GAS2L3: variants seen among roughly 807,000 people sequenced by gnomAD.
The protein encoded by GAS2L3 is growth arrest specific 2 like 3, also known as GAS2-like protein 3.
In GAS2L3, 28 loss-of-function variants were observed where a neutral mutation model predicts 37.0. That is an observed-to-expected ratio of 0.76 (90% CI 0.56 to 1.04). GAS2L3 has a LOEUF of 1.04. GAS2L3 is among the 50% of genes least tolerant of loss of function. GAS2L3 has a pLI of 0.00. For synonymous variants in GAS2L3, 290 were observed against 296.6 expected (o/e 0.98, Z 0.23); for missense variants, 793 against 817.6 (o/e 0.97, Z 0.37).
rs1459042584 is a variant in GAS2L3 at position 100,601,655 on chromosome 12, G to T, written c.205G>T (p.Glu69Ter). The change falls in exon 5 of 10, where the codon GAA (glutamate) becomes TAA (stop). Residue 69 changes from glutamate to a stop codon, truncating the protein, a stop_gained. Coordinates refer to ENST00000547754, the MANE Select transcript of GAS2L3 (RefSeq NM_174942.3). LOFTEE classifies it high-confidence loss of function. ...GTTTTTAGGTATTAAAGTTAAGGCA[G>T]AAAAATTATTGGAAGAACTTGATAA... ...SGLLGIKVKAEKLLEELDNGV... is the reference protein window; with the variant it reads ...SGLLGIKVKA The T allele has an allele frequency of 1.3e-6, 2 of 1,555,646 alleles. No individual in the cohort carries two copies. Among genetic ancestry groups the T allele is most frequent in the Non-Finnish European group, 1.8e-6 (2 of 1,129,206 alleles).
At position 100,597,891 on chromosome 12, in the gene GAS2L3, T is replaced by C. The variant is rs564335272; in HGVS notation, c.19-2491T>C. On this transcript the variant is annotated intron_variant, in intron 3 of 9. Transcript: ENST00000547754. ...TATATTTTAAGAGGAAAATGGTCTATATTTAAAAATCAAGAAAGGACTAGA... is the reference window on the plus strand; with the variant it reads ...TATATTTTAAGAGGAAAATGGTCTACATTTAAAAATCAAGAAAGGACTAGA... 5.3e-5 allele frequency among the ~76,000 whole-genome samples: 8 copies of C among 152,224 alleles called. No individual in the cohort carries two copies. In the South Asian group the frequency reaches 1.7e-3, roughly 32 times the overall value.
chr12:100,575,996 A>T (rs1252416911), intron 1 of GAS2L3, among the ~76,000 whole-genome samples: 8 of 152,210 alleles, frequency 5.3e-5, no homozygotes, highest in Non-Finnish European at 1.2e-4. Flanking sequence ...TAAAATAATG[A>T]GAAATAACTT....
At chr12:100,610,541 T>C (rs185902694) in intron 5 of GAS2L3, among the ~76,000 whole-genome samples, 1 of 151,112 alleles carries the variant, frequency 6.6e-6, no homozygotes, top group East Asian at 1.9e-4. Context: ...GCAATGATTG[T>C]CTATTCTGTA....
intron 5 of GAS2L3, among the ~76,000 whole-genome samples, chr12:100,609,639 T>C (rs923345409): frequency 6.6e-6 from 1 of 152,188 alleles, no homozygotes. Context: ...GGAATTCTTG[T>C]GGCCTAGACT....
chr12:100,624,233 T>C lies in GAS2L3; in HGVS notation c.1428T>C (p.His476=), dbSNP rs1593193829. Residue 476 remains histidine, a synonymous_variant, in exon 10 of 10, where the codon CAT becomes CAC. Transcript: ENST00000547754. The part of the protein sequence containing the change: ...SGKTQPKYLK[H]NHISSRDNAV... Reference sequence around the variant, plus strand: ...AAACTCAACCTAAGTATTTGAAACATAATCATATTTCTTCCAGAGATAATG... The same window carrying C: ...AAACTCAACCTAAGTATTTGAAACACAATCATATTTCTTCCAGAGATAATG... 1.2e-6 allele frequency: 2 copies of C among 1,614,036 alleles called. No homozygotes were observed. Among genetic ancestry groups the C allele is most frequent in the East Asian group, 4.5e-5 (2 of 44,872 alleles).
intron 1 of GAS2L3, among the ~76,000 whole-genome samples, chr12:100,581,836 G>T (rs752824979): frequency 3.3e-5 from 5 of 151,862 alleles, no homozygotes; most frequent in Non-Finnish European, 7.4e-5. Context: ...CTTATTTTTT[G>T]CTTAATTTTT....
At chr12:100,595,258 C>G (rs1283171568) in intron 3 of GAS2L3, among the ~76,000 whole-genome samples, 1 of 151,818 alleles carries the variant, frequency 6.6e-6, no homozygotes, top group Non-Finnish European at 1.5e-5. Flanking sequence ...TTGTGGTTTT[C>G]CCCTCATTAC....
chr12:100,592,146 G>A (rs1347059518), intron 2 of GAS2L3, among the ~76,000 whole-genome samples: 4 of 151,974 alleles, frequency 2.6e-5, no homozygotes, highest in Non-Finnish European at 5.9e-5. Flanking sequence ...ACAGTTGAAA[G>A]GCCCTTGTGC....
intron 6 of GAS2L3, 49 bp from the exon 7 acceptor site, chr12:100,617,688 AATATGTT>A: frequency 1.1e-5 from 12 of 1,050,278 alleles, no homozygotes; most frequent in Non-Finnish European, 1.6e-5. Flanking sequence ...CCATGCCAGA[AATATGTT>A]TCCATACTTA....
At chr12:100,616,127 CTTTA>C (rs1224020759) in intron 6 of GAS2L3, among the ~76,000 whole-genome samples, 1 of 152,080 alleles carries the variant, frequency 6.6e-6, no homozygotes, top group East Asian at 1.9e-4. Flanking sequence ...CATGAGATGT[CTTTA>C]TTTATAATCT....
chr12:100,618,693 C>A, intron 8 of GAS2L3, 106 bp downstream of exon 8: 1 of 1,017,642 alleles, frequency 9.8e-7, no homozygotes, highest in Non-Finnish European at 1.4e-6. Flanking sequence ...GCAAGTGTTT[C>A]TTATTCAGAA....
At chr12:100,612,209 A>T in intron 6 of GAS2L3, 68 bp downstream of exon 6, 1 of 1,348,570 alleles carries the variant, frequency 7.4e-7, no homozygotes, top group Non-Finnish European at 1.0e-6. Flanking sequence ...TTCACCTCTA[A>T]TTTTTCTTTC....
chr12:100,618,311 A>G (rs1340773617), intron 7 of GAS2L3, 138 bp from the exon 8 acceptor site: 9 of 811,282 alleles, frequency 1.1e-5, no homozygotes, highest in South Asian at 1.0e-4. Flanking sequence ...ATTAAAAAGC[A>G]TTTTCAAATA....
rs1593169387 is a variant in GAS2L3 at position 100,595,006 on chromosome 12, C to A, written c.18+84C>A. ...ATAATTAGCAAAGATAAAATTATCACAGTGTTCTTATTGTGCTAGTTTTTT... is the reference window on the plus strand; with the variant it reads ...ATAATTAGCAAAGATAAAATTATCAAAGTGTTCTTATTGTGCTAGTTTTTT... On this transcript the variant is annotated intron_variant, in intron 3 of 9. Coordinates refer to ENST00000547754, the MANE Select transcript of GAS2L3 (RefSeq NM_174942.3). The A allele has an allele frequency of 6.9e-6, 4 of 577,432 alleles. No homozygotes were observed. In the East Asian group the frequency reaches 1.4e-4, roughly 20 times the overall value. 35.8% of individuals were successfully genotyped at this position (577,432 alleles called of 1,614,324 possible). A position where few individuals can be genotyped will look rare whatever the true frequency, so the allele number is the denominator to read the frequency against.
At chr12:100,623,237 G>A (rs1956281466) in intron 9 of GAS2L3, among the ~76,000 whole-genome samples, 1 of 152,116 alleles carries the variant, frequency 6.6e-6, no homozygotes, top group African/African-American at 2.4e-5. Context: ...CAGTTGTGCA[G>A]ATTTGCTTAC....
intron 1 of GAS2L3, among the ~76,000 whole-genome samples, chr12:100,580,536 G>A (rs1257801110): frequency 2.6e-5 from 4 of 152,010 alleles, no homozygotes; most frequent in Non-Finnish European, 5.9e-5. Context: ...CATTTTCTGG[G>A]CATTTTTTTG....
intron 6 of GAS2L3, among the ~76,000 whole-genome samples, chr12:100,615,414 G>A (rs937641757): frequency 2.6e-5 from 4 of 151,904 alleles, no homozygotes; most frequent in Admixed American, 2.6e-4. Context: ...TATTAGATAA[G>A]ATTTGCAAAT....
chr12:100,617,692 T>C (rs1956204170), intron 6 of GAS2L3, 52 bp from the exon 7 acceptor site: 3 of 1,073,760 alleles, frequency 2.8e-6, no homozygotes, highest in Middle Eastern at 2.0e-4. Flanking sequence ...GCCAGAAATA[T>C]GTTTCCATAC....
chr12:100,621,923 GGCACTGAGAGAGAGACAGAC>G (rs1956259800), intron 8 of GAS2L3, among the ~76,000 whole-genome samples: 1 of 150,452 alleles, frequency 6.6e-6, no homozygotes, highest in East Asian at 2.0e-4. Flanking sequence ...GAGAGAGAGA[GGCACTGAGAGAGAGACAGAC>G]AGAGAGATAC....
Sources: gnomAD v4.1 joint callset for allele counts (sites outside exome capture counted in the v4.1 genomes callset) on GRCh38, gnomAD v4.1.1 for gene constraint, MANE v1.5 for transcripts, NCBI Gene and HGNC (gene_info 2026-07-23, HGNC 2026-07-21) for gene names.